The following IMPG2 variants were observed in gnomAD, a reference collection of about 807,000 sequenced individuals.
IMPG2 encodes the protein interphotoreceptor matrix proteoglycan 2, also known as IPM 200.
Under a neutral mutation model 129.2 loss-of-function variants are expected in IMPG2, and 91 were observed. The ratio of observed to expected loss-of-function variants is 0.70; its 90% CI spans 0.59 to 0.84. The LOEUF is 0.84. Ranked by LOEUF, IMPG2 falls within the 40% of genes least tolerant of loss-of-function variation. The pLI is 0.00. For synonymous variants in IMPG2, 510 were observed against 517.7 expected (o/e 0.99, Z 0.20); for missense variants, 1,430 against 1,461.7 (o/e 0.98, Z 0.35).
intron 11 of IMPG2, among the ~76,000 whole-genome samples, chr3:101,247,092 T>C (rs114402673): frequency 0.016 from 2,228 of 142,642 alleles, 53 homozygotes; most frequent in African/African-American, 0.056. Flanking sequence ...CAAGACATTG[T>C]CTCTTAAAAA....
At chr3:101,233,071 T>C (rs1706308050) in intron 14 of IMPG2, 80 bp from the exon 15 acceptor site, 1 of 1,284,232 alleles carries the variant, frequency 7.8e-7, no homozygotes, top group Non-Finnish European at 1.1e-6. Context: ...ATTAAAGTTC[T>C]CCCCCAAAGT....
Position 101,269,558 on chromosome 3 carries a change from T to C in IMPG2, c.844A>G (p.Thr282Ala), listed in dbSNP as rs779473125. ...EFISEVENAFTGLPGYKEIRV... is the reference protein window; with the variant it reads ...EFISEVENAFAGLPGYKEIRV... The stretch of plus-strand genomic sequence containing the variant: ...ATTTCCTTGTAGCCTGGTAACCCAG[T>C]AAATGCATTTTCAACCTGTTAAAAG... Residue 282 changes from threonine (T) to alanine (A), a missense_variant, in exon 8 of 19, where the codon ACT becomes GCT. Thr to Ala is a moderately conservative substitution (Grantham distance 58, BLOSUM62 0). Transcript: ENST00000193391. The C allele has an allele frequency of 1.9e-6, 3 of 1,590,934 alleles. No homozygotes were observed. The highest frequency in any genetic ancestry group is 2.6e-6 in the Non-Finnish European group (3 of 1,159,224).
chr3:101,288,503 T>C (rs1016916289), intron 4 of IMPG2, among the ~76,000 whole-genome samples: 57 of 152,244 alleles, frequency 3.7e-4, no homozygotes, highest in African/African-American at 1.3e-3. Flanking sequence ...ATATACACCA[T>C]GGAATACTAT....
At chr3:101,313,371 TGATA>T (rs1466020153) in intron 2 of IMPG2, among the ~76,000 whole-genome samples, 1 of 152,104 alleles carries the variant, frequency 6.6e-6, no homozygotes, top group Non-Finnish European at 1.5e-5. Context: ...ATTCCATCAC[TGATA>T]AATACTGCAT....
At chr3:101,300,002 G>C (rs936955125) in intron 3 of IMPG2, among the ~76,000 whole-genome samples, 1 of 152,180 alleles carries the variant, frequency 6.6e-6, no homozygotes, top group Non-Finnish European at 1.5e-5. Flanking sequence ...TACCAGGAGG[G>C]AAGACTAAAT....
At chr3:101,286,109 G>C (rs778263814) in intron 4 of IMPG2, among the ~76,000 whole-genome samples, 6 of 151,870 alleles carry the variant, frequency 4.0e-5, no homozygotes, top group Non-Finnish European at 8.8e-5. Flanking sequence ...TTTAAGAGAA[G>C]GATAATATTA....
intron 11 of IMPG2, among the ~76,000 whole-genome samples, chr3:101,246,990 G>A (rs1242415845): frequency 6.6e-6 from 1 of 151,990 alleles, no homozygotes; most frequent in African/African-American, 2.4e-5. Flanking sequence ...TAGCTACTTG[G>A]GAGACTGAGG....
intron 11 of IMPG2, among the ~76,000 whole-genome samples, chr3:101,249,389 G>T (rs1363256333): frequency 6.6e-6 from 1 of 151,884 alleles, no homozygotes; most frequent in Non-Finnish European, 1.5e-5. Context: ...AAATATAAAT[G>T]CCCAGCAAAT....
At position 101,232,901 on chromosome 3, in the gene IMPG2, C is replaced by A. The variant is rs1706305751; in HGVS notation, c.3113G>T (p.Cys1038Phe). The A allele has an allele frequency of 1.2e-6, 2 of 1,613,954 alleles. No individual in the cohort carries two copies. Among genetic ancestry groups the A allele is most frequent in the Non-Finnish European group, 1.7e-6 (2 of 1,180,000 alleles). ...NPWSGEAKCRCFPGYLSVEER... is the reference protein window; with the variant it reads ...NPWSGEAKCRFFPGYLSVEER... ...TTCCACACTCAGGTATCCAGGGAAG[C>A]ATCTGCACTTTGCTTCTCCACTCCA... The change falls in exon 15 of 19, where the codon TGC becomes TTC. Residue 1038 changes from cysteine to phenylalanine, a missense_variant. By Grantham distance (205) the Cys-to-Phe change is radical. Transcript: ENST00000193391.
rs1706764482 is a variant in IMPG2 at position 101,270,020 on chromosome 3, T to C, written c.829-447A>G. 4.1e-5 allele frequency among the ~76,000 whole-genome samples: 6 copies of C among 145,556 alleles called. No individual in the cohort carries two copies. In the South Asian group the frequency reaches 1.4e-3, roughly 34 times the overall value. On this transcript the variant is annotated intron_variant, in intron 7 of 18. Coordinates refer to ENST00000193391, the MANE Select transcript of IMPG2 (RefSeq NM_016247.4). ...ATCTTGGCTCACTGCAAACTCCACC[T>C]TCCAGGTTCAAGCAATTGTCCTGCC...
intron 7 of IMPG2, among the ~76,000 whole-genome samples, chr3:101,270,778 C>T (rs924159759): frequency 6.6e-6 from 1 of 151,872 alleles, no homozygotes; most frequent in Admixed American, 6.6e-5. Flanking sequence ...CCAGCCTGGG[C>T]GACATACTCC....
intron 8 of IMPG2, among the ~76,000 whole-genome samples, chr3:101,269,098 T>C (rs1392567548): frequency 2.0e-5 from 3 of 152,300 alleles, no homozygotes; most frequent in South Asian, 2.1e-4. Context: ...CTCAGAACTG[T>C]TATGTTTAAA....
At chr3:101,236,129 A>G (rs1187582846) in intron 14 of IMPG2, among the ~76,000 whole-genome samples, 2 of 152,222 alleles carry the variant, frequency 1.3e-5, no homozygotes, top group East Asian at 3.8e-4. Flanking sequence ...TGTGATTTGC[A>G]TTAGGTTAAC....
intron 12 of IMPG2, among the ~76,000 whole-genome samples, chr3:101,245,271 T>C (rs1706463627): frequency 6.6e-6 from 1 of 152,182 alleles, no homozygotes; most frequent in Admixed American, 6.5e-5. Flanking sequence ...ACATGTAAAC[T>C]CCATTCCTAA....
intron 9 of IMPG2, among the ~76,000 whole-genome samples, chr3:101,263,082 A>T (rs1449635257): frequency 6.6e-6 from 1 of 152,054 alleles, no homozygotes; most frequent in Non-Finnish European, 1.5e-5. Context: ...GGAGAGATAG[A>T]CCCCAATACA....
At chr3:101,241,922 G>A (rs1052732870) in intron 14 of IMPG2, among the ~76,000 whole-genome samples, 9 of 152,088 alleles carry the variant, frequency 5.9e-5, no homozygotes, top group South Asian at 4.2e-4. Context: ...CAAGCTACTC[G>A]GGAGGCTGAG....
chr3:101,247,211 T>G (rs976259930), intron 11 of IMPG2, among the ~76,000 whole-genome samples: 10 of 152,146 alleles, frequency 6.6e-5, no homozygotes, highest in African/African-American at 2.4e-4. Flanking sequence ...GATAGATAAC[T>G]ACAATCCACA....
chr3:101,299,282 C>T (rs1047555352), intron 3 of IMPG2, among the ~76,000 whole-genome samples: 1 of 152,218 alleles, frequency 6.6e-6, no homozygotes, highest in African/African-American at 2.4e-5. Flanking sequence ...TTCTAGTTAG[C>T]AGCTCCTGTA....
In IMPG2 at chr3:101,310,559, CAAAAAAAAAAAAAAA is replaced by C. The variant is rs199570786; in HGVS notation, c.335-6262_335-6248del. Among the ~76,000 whole-genome samples, 180 of 126,424 alleles carry C rather than the reference CAAAAAAAAAAAAAAA, an allele frequency of 1.4e-3. 2 individuals are homozygous for C. Among genetic ancestry groups the C allele is most frequent in the East Asian group, 8.6e-3 (40 of 4,676 alleles). The allele number at this position is 126,424 out of a possible 152,430, so 82.9% of individuals were successfully genotyped here. A position where few individuals can be genotyped will look rare whatever the true frequency, so the allele number is the denominator to read the frequency against. On this transcript the variant is annotated intron_variant, in intron 2 of 18. Transcript: ENST00000193391. ...TGGGTGACAAAGTGAGACCCTGTCT[CAAAAAAAAAAAAAAA>C]AAAAAAAAAAAAAAAGATGGTTACA...
Sources: allele counts gnomAD v4.1 joint callset (sites outside exome capture counted in the v4.1 genomes callset), GRCh38; gene constraint gnomAD v4.1.1; transcripts MANE v1.5; gene names NCBI Gene and HGNC (gene_info 2026-07-23, HGNC 2026-07-21).